Variants in HMCN1 observed in about 807,000 individuals in gnomAD.
HMCN1 encodes the protein hemicentin 1.
Under a neutral mutation model 625.9 loss-of-function variants are expected in HMCN1, and 321 were observed. The ratio of observed to expected loss-of-function variants is 0.51; its 90% CI spans 0.47 to 0.56. The LOEUF (loss-of-function observed/expected upper bound fraction) is 0.56. Among genes scored for constraint, HMCN1 ranks in the 20% least tolerant of loss-of-function variants. The pLI is 0.00. For missense variants in HMCN1, 6,588 were observed against 6,887.3 expected, an observed-to-expected ratio of 0.96 and a Z score of 1.54; for synonymous variants, 2,425 against 2,417.6, an observed-to-expected ratio of 1.00 and a Z score of -0.09.
Position 185,922,301 on chromosome 1 carries a change from T to C in HMCN1, c.901-78T>C, listed in dbSNP as rs547090702. The C allele has an allele frequency of 5.9e-6, 9 of 1,513,504 alleles. No homozygotes were observed. The East Asian group carries it at 1.6e-4, about 27-fold the overall frequency. The allele number at this position is 1,513,504 out of a possible 1,614,324, so 93.8% of individuals were successfully genotyped here. On this transcript the variant is annotated intron_variant, in intron 6 of 106. Coordinates refer to ENST00000271588, the MANE Select transcript of HMCN1 (RefSeq NM_031935.3). ...CGATCCTAATTAAATATTGTGCAGT[T>C]TCCCATACTGGCGAGGGTTGCATAT...
At chr1:186,000,643 G>T (rs1425845658) in intron 26 of HMCN1, among the ~76,000 whole-genome samples, 1 of 150,762 alleles carries the variant, frequency 6.6e-6, no homozygotes, top group African/African-American at 2.4e-5. Context: ...GAAATACAAT[G>T]TTTTATCCTC....
At chr1:185,998,234 T>C (rs1021967545) in intron 25 of HMCN1, among the ~76,000 whole-genome samples, 8 of 152,096 alleles carry the variant, frequency 5.3e-5, no homozygotes, top group Non-Finnish European at 8.8e-5. Context: ...CAAGCAGTAG[T>C]CTTTCCATAA....
intron 36 of HMCN1, among the ~76,000 whole-genome samples, chr1:186,023,999 C>T (rs543200365): frequency 3.9e-5 from 6 of 152,194 alleles, no homozygotes; most frequent in South Asian, 2.1e-4. Context: ...TTTGCTTCTT[C>T]GTACATTTTC....
chr1:186,098,562 GA>G (rs1310118816), intron 68 of HMCN1, among the ~76,000 whole-genome samples: 5 of 152,112 alleles, frequency 3.3e-5, no homozygotes, highest in Non-Finnish European at 7.4e-5. Flanking sequence ...AGGATGTGGA[GA>G]AAAGGGGACA....
At chr1:185,866,772 C>A (rs1009217408) in intron 4 of HMCN1, among the ~76,000 whole-genome samples, 18 of 151,946 alleles carry the variant, frequency 1.2e-4, no homozygotes, top group African/African-American at 4.4e-4. Context: ...TTTTTTTAAA[C>A]CTGTTTATGT....
chr1:186,143,166 C>T (rs1354559248), intron 89 of HMCN1, among the ~76,000 whole-genome samples: 1 of 152,186 alleles, frequency 6.6e-6, no homozygotes, highest in Non-Finnish European at 1.5e-5. Flanking sequence ...GTCAGAAACC[C>T]ATTAACTATA....
intron 36 of HMCN1, among the ~76,000 whole-genome samples, chr1:186,035,814 CAT>C (rs1389411067): frequency 6.6e-6 from 1 of 152,044 alleles, no homozygotes; most frequent in Non-Finnish European, 1.5e-5. Flanking sequence ...ATTTGAAAAA[CAT>C]ATATATTCTT....
At chr1:186,062,868 T>G (rs138112134) in intron 48 of HMCN1, among the ~76,000 whole-genome samples, 4,348 of 151,534 alleles carry the variant, frequency 0.029, 97 homozygotes, top group Non-Finnish European at 0.041. Flanking sequence ...TCACTCTCTA[T>G]GTCCATTTGT....
chr1:186,149,820 T>C (rs1471228580), intron 93 of HMCN1, among the ~76,000 whole-genome samples: 2 of 152,082 alleles, frequency 1.3e-5, no homozygotes, highest in Non-Finnish European at 2.9e-5. Flanking sequence ...TCTCAGCTAA[T>C]AGGGAGGCTC....
At chr1:185,975,128 AAACTT>A (rs1156791309) in intron 15 of HMCN1, among the ~76,000 whole-genome samples, 3 of 152,158 alleles carry the variant, frequency 2.0e-5, no homozygotes, top group African/African-American at 7.2e-5. Flanking sequence ...AGAAACTTTT[AAACTT>A]AACTTCCATT....
intron 11 of HMCN1, among the ~76,000 whole-genome samples, chr1:185,952,912 G>T (rs1342029226): frequency 6.6e-6 from 1 of 150,686 alleles, no homozygotes; most frequent in Non-Finnish European, 1.5e-5. Context: ...TAAGAGGTTG[G>T]GGTGCAGAAA....
intron 93 of HMCN1, 52 bp from the exon 94 acceptor site, chr1:186,151,148 A>G (rs1353708571): frequency 6.3e-7 from 1 of 1,586,294 alleles, no homozygotes; most frequent in Non-Finnish European, 8.7e-7. Context: ...CTCCCATGTA[A>G]TGTTGATGAA....
In HMCN1 at chr1:186,137,861, G is replaced by A. The variant is rs751615978; in HGVS notation, c.13813G>A (p.Gly4605Ser). The stretch of plus-strand genomic sequence containing the variant: ...AGAATGCACAAGGAGCTGTGGACGC[G>A]GCAACCAAACCAGGACCAGGACTTG... ...WEECTRSCGR[G>S]NQTRTRTCNN... Residue 4605 changes from glycine to serine, a missense_variant, in exon 89 of 107, where the codon GGC becomes AGC. By Grantham distance (56) the Gly-to-Ser change is moderately conservative. Around this residue, in one of 3 missense-constraint regions of HMCN1, gnomAD observed 1,954 missense variants for 2,013.1 expected, o/e 0.97. Coordinates refer to ENST00000271588, the MANE Select transcript of HMCN1 (RefSeq NM_031935.3). 2.4e-5 allele frequency: 39 copies of A among 1,613,904 alleles called. No homozygotes were observed. Among genetic ancestry groups the A allele is most frequent in the South Asian group, 1.8e-4 (16 of 91,084 alleles).
rs138685838 is a variant in HMCN1, at chr1:186,118,698, C to T, written c.11849-493C>T. Among the ~76,000 whole-genome samples the T allele has an allele frequency of 1.6e-4, 25 of 152,262 alleles. No individual in the cohort carries two copies. The East Asian group carries it at 4.6e-3, about 28-fold the overall frequency. ...AAAAGGAACAAAATATTGACAAATG[C>T]TACAGCAGATGAACCTCAAAAACAT... On this transcript the variant is annotated intron_variant, in intron 77 of 106. Coordinates refer to ENST00000271588, the MANE Select transcript of HMCN1 (RefSeq NM_031935.3).
rs1343145795 is a variant in HMCN1, at chr1:186,087,658, T to G, written c.9363+13T>G. 1 of 1,611,570 alleles carries G rather than the reference T, an allele frequency of 6.2e-7. No homozygotes were observed. On this transcript the variant is annotated intron_variant, in intron 60 of 106. Transcript: ENST00000271588. ...TAAGAAAGCTGAGGTGCATCTTTTA[T>G]TCTTGTTTGAGTGTCATGACACCTT...
chr1:185,992,573 A>G (rs1286514281), intron 22 of HMCN1, among the ~76,000 whole-genome samples: 1 of 152,124 alleles, frequency 6.6e-6, no homozygotes, highest in Non-Finnish European at 1.5e-5. Context: ...GAGTTTTCAA[A>G]TATGCTTAGG....
chr1:186,109,031 C>T (rs1217316570), intron 71 of HMCN1, among the ~76,000 whole-genome samples: 1 of 152,184 alleles, frequency 6.6e-6, no homozygotes, highest in African/African-American at 2.4e-5. Flanking sequence ...AGATACCAGG[C>T]ATCTGAGACT....
In HMCN1 at chr1:186,038,026, C is replaced by A; in HGVS notation, c.5842C>A (p.Pro1948Thr). Residue 1948 changes from proline (P) to threonine (T), a missense_variant, in exon 37 of 107, where the codon CCT (proline) becomes ACT (threonine). Physicochemically the swap from Pro to Thr is conservative, Grantham distance 38 (BLOSUM62 -1). Transcript: ENST00000271588. ...GCTGGAGTGTAAGGCAGCTGGAAAT[C>A]CTGTGCCTGGTACATTTACTTTTGA... ...VQLECKAAGN[P>T]VPVITWYKDN... The A allele has an allele frequency of 6.3e-7, 1 of 1,594,860 alleles. No homozygotes were observed. Among genetic ancestry groups the A allele is most frequent in the East Asian group, 2.2e-5 (1 of 44,706 alleles).
rs762855847 is a variant in HMCN1 at position 186,151,265 on chromosome 1, T to C, written c.14674T>C (p.Phe4892Leu). The C allele has an allele frequency of 6.2e-7, 1 of 1,613,650 alleles. No homozygotes were observed. The highest frequency in any genetic ancestry group is 8.5e-7 in the Non-Finnish European group (1 of 1,179,580). Residue 4892 changes from phenylalanine (F) to leucine (L), a missense_variant, in exon 94 of 107, where the codon TTC becomes CTC. Physicochemically the swap from Phe to Leu is conservative, Grantham distance 22. Coordinates refer to ENST00000271588, the MANE Select transcript of HMCN1 (RefSeq NM_031935.3). Reference protein sequence around the residue: ...NINDVEFGIAFLNATITDSPN... With the variant: ...NINDVEFGIALLNATITDSPN... ...TAATGATGTTGAATTTGGAATTGCT[T>C]TCCTTAATGCCACAATAACTGATAG...
Sources: allele counts gnomAD v4.1 joint callset (sites outside exome capture counted in the v4.1 genomes callset), GRCh38; gene constraint gnomAD v4.1.1; regional missense constraint gnomAD v4.1.1; transcripts MANE v1.5; gene names NCBI Gene and HGNC (gene_info 2026-07-23, HGNC 2026-07-21).